FUNDC1: variants seen among roughly 807,000 people sequenced by gnomAD.
FUNDC1 encodes FUN14 domain-containing protein 1.
In FUNDC1, 10 loss-of-function variants were observed where a neutral mutation model predicts 14.5. The ratio of observed to expected loss-of-function variants is 0.69; its 90% confidence interval spans 0.43 to 1.17. The LOEUF is 1.17. Among genes scored for constraint, FUNDC1 ranks in the 50% most tolerant of loss-of-function variants. The pLI, the probability that FUNDC1 is intolerant of heterozygous loss-of-function variation, is 0.00. For missense variants in FUNDC1, 115 were observed against 113.8 expected (o/e 1.01, Z -0.05); for synonymous variants, 33 against 39.7 (o/e 0.83, Z 0.64).
Position 44,523,866 on chromosome X carries a change from A to G in FUNDC1, c.*332T>C, listed in dbSNP as rs2038890753. On this transcript the variant is annotated 3_prime_UTR_variant, in exon 5 of 5. Coordinates refer to ENST00000378045, the MANE Select transcript of FUNDC1 (RefSeq NM_173794.4). ...TAAAAAGAGAATATTTCGCTAAGCA[A>G]TAAACCCAACATATTTCTTTTCTCT... is the stretch of plus-strand genomic sequence containing the variant. 1 of 167,881 alleles carries G rather than the reference A, an allele frequency of 6.0e-6. No individual in the cohort carries two copies. The highest frequency in any genetic ancestry group is 1.1e-5 in the Non-Finnish European group (1 of 88,894). The allele number at this position is 167,881 out of a possible 1,213,427, so 13.8% of individuals were successfully genotyped here. A position where few individuals can be genotyped will look rare whatever the true frequency, so the allele number is the denominator to read the frequency against.
At chrX:44,531,859 AAG>A (rs961564113) in intron 3 of FUNDC1, among the ~76,000 whole-genome samples, 2 of 110,369 alleles carry the variant, frequency 1.8e-5, no homozygotes, top group African/African-American at 6.6e-5. Context: ...GCACAACTGA[AAG>A]AGCTCTTAAT....
chrX:44,533,426 G>C (rs188445997), intron 3 of FUNDC1, among the ~76,000 whole-genome samples: 1 of 108,356 alleles, frequency 9.2e-6, no homozygotes, highest in South Asian at 4.1e-4. Flanking sequence ...TCAGGAGATC[G>C]AGACCATCCT....
chrX:44,524,432 G>A (rs1256922302), intron 4 of FUNDC1, among the ~76,000 whole-genome samples, 157 bp from the exon 5 acceptor site: 1 of 111,344 alleles, frequency 9.0e-6, no homozygotes, highest in Non-Finnish European at 1.9e-5. Flanking sequence ...AGATCATTAA[G>A]AGCTGGGGAG....
chrX:44,526,185 C>T (rs1287453060), intron 4 of FUNDC1, among the ~76,000 whole-genome samples: 1 of 110,872 alleles, frequency 9.0e-6, no homozygotes, highest in African/African-American at 3.3e-5. Context: ...AATCCCAGCA[C>T]TTCGGGAGAC....
intron 3 of FUNDC1, among the ~76,000 whole-genome samples, chrX:44,535,742 T>C (rs1218502170): frequency 9.3e-6 from 1 of 107,526 alleles, no homozygotes; most frequent in Non-Finnish European, 1.9e-5. Flanking sequence ...TCCCAGCACT[T>C]TGGGAGGCCA....
intron 2 of FUNDC1, among the ~76,000 whole-genome samples, chrX:44,539,108 T>G (rs1293152917): frequency 9.0e-6 from 1 of 111,709 alleles, no homozygotes; most frequent in East Asian, 2.8e-4. Context: ...AGCCCACATT[T>G]CTAAAGGCCT....
At chrX:44,532,906 T>C (rs1227558968) in intron 3 of FUNDC1, among the ~76,000 whole-genome samples, 1 of 112,132 alleles carries the variant, frequency 8.9e-6, no homozygotes, top group Non-Finnish European at 1.9e-5. Flanking sequence ...TGTATATAAA[T>C]GGCTAGTCAC....
At chrX:44,539,997 CATT>C (rs1307138151) in intron 2 of FUNDC1, among the ~76,000 whole-genome samples, 1 of 111,045 alleles carries the variant, frequency 9.0e-6, no homozygotes, top group Non-Finnish European at 1.9e-5. Context: ...ATCTCCAAAA[CATT>C]ATTTGACTGT....
At chrX:44,526,287 G>T (rs2147470664) in intron 4 of FUNDC1, among the ~76,000 whole-genome samples, 2 of 110,307 alleles carry the variant, frequency 1.8e-5, no homozygotes, top group East Asian at 5.7e-4. Flanking sequence ...AAAATTAGCT[G>T]GGAGAGGTGG....
At chrX:44,524,812 T>G (rs758780889) in intron 4 of FUNDC1, among the ~76,000 whole-genome samples, 109 of 111,222 alleles carry the variant, frequency 9.8e-4, no homozygotes, top group African/African-American at 3.3e-3. Context: ...GTAAGCTCCT[T>G]GGCTATTGAG....
intron 3 of FUNDC1, among the ~76,000 whole-genome samples, chrX:44,534,065 CA>C (rs199944865): frequency 3.4e-4 from 30 of 88,786 alleles, no homozygotes; most frequent in South Asian, 3.2e-3. Context: ...GACTCTGTCT[CA>C]AAAAAAAAAC....
chrX:44,536,175 T>C lies in FUNDC1; in HGVS notation c.261+2292A>G, dbSNP rs138440525. ...AAAAATACAAAAATTAGCGGGGTGC[T>C]GTGGCAGGCAGCTGTAGTCTATAAT... On this transcript the variant is annotated intron_variant, in intron 3 of 4. Transcript: ENST00000378045. Among the ~76,000 whole-genome samples, 433 of 107,891 alleles carry C rather than the reference T, an allele frequency of 4.0e-3. 3 individuals carry two copies. Among genetic ancestry groups the C allele is most frequent in the African/African-American group, 0.013 (393 of 29,542 alleles). 93.7% of individuals were successfully genotyped at this position (107,891 alleles called of 115,157 possible).
intron 3 of FUNDC1, among the ~76,000 whole-genome samples, chrX:44,531,315 GACACACACACACACACACACACAC>G (rs766982993): frequency 0.011 from 200 of 18,853 alleles, 3 homozygotes; most frequent in East Asian, 0.026. Context: ...ATGTTGGCCA[GACACACACACACACACACACACAC>G]ACACACACAC....
intron 3 of FUNDC1, among the ~76,000 whole-genome samples, chrX:44,535,784 G>A (rs771494983): frequency 3.7e-5 from 4 of 107,672 alleles, no homozygotes; most frequent in Non-Finnish European, 5.8e-5. Flanking sequence ...TCAGGAGTTC[G>A]AGACCAGCCT....
At chrX:44,524,961 T>C (rs770005418) in intron 4 of FUNDC1, among the ~76,000 whole-genome samples, 1 of 111,493 alleles carries the variant, frequency 9.0e-6, no homozygotes, top group African/African-American at 3.3e-5. Context: ...TATTTATTAA[T>C]AGTCCATTTA....
chrX:44,535,430 G>A (rs1360077967), intron 3 of FUNDC1, among the ~76,000 whole-genome samples: 2 of 109,912 alleles, frequency 1.8e-5, no homozygotes, highest in South Asian at 3.9e-4. Context: ...AACTTTGGGA[G>A]GCCGAGGCGG....
At chrX:44,531,765 A>AACACACAC (rs143142516) in intron 3 of FUNDC1, among the ~76,000 whole-genome samples, 3,984 of 87,331 alleles carry the variant, frequency 0.046, 95 homozygotes, top group African/African-American at 0.077. Context: ...AGAAGCTTAA[A>AACACACAC]ACACACACAC....
rs755164822 is a variant in FUNDC1 at position 44,526,247 on chromosome X, G to A, written c.390+990C>T. On this transcript the variant is annotated intron_variant, in intron 4 of 4. Transcript: ENST00000378045. ...AGTTCGAGACCAGCCTGGCCAACAT[G>A]GTGAAACCCTGTCTCTACTAAAGAT... 4.5e-5 allele frequency among the ~76,000 whole-genome samples: 5 copies of A among 111,275 alleles called. No homozygotes were observed. In the South Asian group the frequency reaches 1.9e-3, roughly 42 times the overall value.
chrX:44,536,932 C>A (rs2038951561), intron 3 of FUNDC1, among the ~76,000 whole-genome samples: 4 of 111,793 alleles, frequency 3.6e-5, no homozygotes, highest in Admixed American at 9.6e-5. Context: ...GCTTTAAGTT[C>A]TAAATAAACT....
Sources: gnomAD v4.1 joint callset for allele counts (sites outside exome capture counted in the v4.1 genomes callset) on GRCh38, gnomAD v4.1.1 for gene constraint, MANE v1.5 for transcripts, NCBI Gene and HGNC (gene_info 2026-07-23, HGNC 2026-07-21) for gene names.